Variants in GEMIN7 observed in about 807,000 individuals in gnomAD.
GEMIN7 encodes the protein gem-associated protein 7.
A neutral mutation model predicts 7.8 loss-of-function variants in GEMIN7; 7 were observed. The observed-to-expected ratio is 0.90, with a 90% confidence interval of 0.51 to 1.69. The LOEUF (loss-of-function observed/expected upper bound fraction) is 1.69, where lower values mean the gene tolerates loss of function less well. GEMIN7 is among the 40% of genes most tolerant of loss of function. GEMIN7 has a pLI of 0.00. For synonymous variants in GEMIN7, 68 were observed against 72.4 expected, an observed-to-expected ratio of 0.94 and a Z score of 0.31; for missense variants, 159 against 176.2, an observed-to-expected ratio of 0.90 and a Z score of 0.55.
intron 2 of GEMIN7, among the ~76,000 whole-genome samples, chr19:45,081,857 A>T (rs1275481747): frequency 1.3e-5 from 2 of 152,042 alleles, no homozygotes; most frequent in African/African-American, 4.8e-5. Flanking sequence ...TCCTGACCTC[A>T]GGCGATCTAC....
upstream of GEMIN7, chr19:45,076,098 CGTCCACAGG>C: frequency 6.3e-7 from 1 of 1,581,510 alleles, no homozygotes; most frequent in Non-Finnish European, 8.6e-7. This position sits in a 1 kb window ranked among gnomAD's most constrained non-coding sequence, Gnocchi z 4.9. Flanking sequence ...GGGTCAACGG[CGTCCACAGG>C]GTCCACGGGT....
intron 2 of GEMIN7, among the ~76,000 whole-genome samples, chr19:45,087,942 A>ATT (rs535770065): frequency 5.6e-4 from 65 of 116,438 alleles, no homozygotes; most frequent in Non-Finnish European, 6.5e-4. Context: ...TAGATATATA[A>ATT]TTTTTTTTTT....
chr19:45,084,919 C>T (rs1425517215), intron 2 of GEMIN7, among the ~76,000 whole-genome samples: 4 of 152,242 alleles, frequency 2.6e-5, no homozygotes, highest in African/African-American at 9.6e-5. Context: ...CCACTAATTA[C>T]AGAAATGCAC....
chr19:45,081,916 C>T (rs6509180), intron 2 of GEMIN7, among the ~76,000 whole-genome samples: 84,412 of 151,506 alleles, frequency 0.56, 24,276 homozygotes, highest in African/African-American at 0.67. Flanking sequence ...ACCTACTGCG[C>T]CCAGCCTCGA....
At chr19:45,076,185 G>T, upstream of GEMIN7, 1 of 1,504,352 alleles carries the variant, frequency 6.6e-7, no homozygotes. This position sits in a 1 kb window ranked among gnomAD's most constrained non-coding sequence, Gnocchi z 4.9. Flanking sequence ...GGGGTTCGCC[G>T]CCGAACCGCC....
At chr19:45,088,114 T>A (rs1346931715) in intron 2 of GEMIN7, among the ~76,000 whole-genome samples, 1 of 151,588 alleles carries the variant, frequency 6.6e-6, no homozygotes, top group African/African-American at 2.4e-5. Flanking sequence ...CTTGGCTAAT[T>A]TTTGTATTTT....
At chr19:45,087,784 G>T (rs766077478) in intron 2 of GEMIN7, among the ~76,000 whole-genome samples, 1 of 152,042 alleles carries the variant, frequency 6.6e-6, no homozygotes, top group Non-Finnish European at 1.5e-5. Context: ...CAGACGGCGG[G>T]GGGTGAAGGT....
At chr19:45,087,784 G>C (rs766077478) in intron 2 of GEMIN7, among the ~76,000 whole-genome samples, 7 of 152,042 alleles carry the variant, frequency 4.6e-5, no homozygotes, top group Admixed American at 6.6e-5. Context: ...CAGACGGCGG[G>C]GGGTGAAGGT....
intron 2 of GEMIN7, among the ~76,000 whole-genome samples, chr19:45,083,485 C>A (rs566198130): frequency 6.6e-6 from 1 of 151,836 alleles, no homozygotes; most frequent in Non-Finnish European, 1.5e-5. Context: ...TTTGGGCCAC[C>A]TATGGGCATG....
chr19:45,075,987 G>T (rs1967339588), upstream of GEMIN7: 10 of 1,571,360 alleles, frequency 6.4e-6, no homozygotes, highest in Non-Finnish European at 7.8e-6. Flanking sequence ...AAGGAGATAA[G>T]GCAGGGCGAG....
intron 2 of GEMIN7, among the ~76,000 whole-genome samples, chr19:45,085,103 A>G (rs1363071996): frequency 6.6e-6 from 1 of 152,028 alleles, no homozygotes; most frequent in Non-Finnish European, 1.5e-5. Flanking sequence ...ATTTCTTAGT[A>G]CAGACAGGGT....
rs1190406251 is a variant in GEMIN7, at chr19:45,090,819, T to C, written c.*309T>C. On this transcript the variant is annotated 3_prime_UTR_variant, in exon 3 of 3. Transcript: ENST00000270257. Reference sequence around the variant, plus strand: ...GGGTGGGGTGATAAAGGATACAACCTGCACAGGGGGAAGTTATTAAAGAGG... The same window carrying C: ...GGGTGGGGTGATAAAGGATACAACCCGCACAGGGGGAAGTTATTAAAGAGG... The C allele has an allele frequency of 9.8e-6, 3 of 305,230 alleles. No homozygotes were observed. The highest frequency in any genetic ancestry group is 1.3e-4 in the East Asian group (2 of 15,520). 18.9% of individuals were successfully genotyped at this position (305,230 alleles called of 1,614,324 possible). A position where few individuals can be genotyped will look rare whatever the true frequency, so the allele number is the denominator to read the frequency against.
intron 2 of GEMIN7, among the ~76,000 whole-genome samples, chr19:45,088,040 A>C (rs892290748): frequency 3.3e-5 from 5 of 150,152 alleles, no homozygotes; most frequent in African/African-American, 1.2e-4. Flanking sequence ...CTGCTTCCCA[A>C]GTTCAAGTGA....
chr19:45,076,522 T>G, upstream of GEMIN7: 4 of 507,600 alleles, frequency 7.9e-6, no homozygotes, highest in Non-Finnish European at 1.2e-5. The surrounding 1 kb of genome is among the most constrained non-coding windows in gnomAD (Gnocchi z 4.9). Flanking sequence ...GCCGGGCCCG[T>G]GGCTCCGCCT....
chr19:45,082,475 C>T (rs1262913092), intron 2 of GEMIN7, among the ~76,000 whole-genome samples: 1 of 152,236 alleles, frequency 6.6e-6, no homozygotes, highest in Non-Finnish European at 1.5e-5. Context: ...AAGGACAGGT[C>T]TGTGTCCCCT....
At chr19:45,077,259 T>A (rs1967373843), upstream of GEMIN7, among the ~76,000 whole-genome samples, 1 of 152,132 alleles carries the variant, frequency 6.6e-6, no homozygotes, top group Non-Finnish European at 1.5e-5. Flanking sequence ...GACCGGAGCC[T>A]TAGGAGGGTT....
At chr19:45,089,098 C>T (rs1274182990) in intron 2 of GEMIN7, among the ~76,000 whole-genome samples, 1 of 152,046 alleles carries the variant, frequency 6.6e-6, no homozygotes, top group Non-Finnish European at 1.5e-5. Flanking sequence ...CATGACACCA[C>T]ACCCGGCTAA....
chr19:45,076,505 C>G (rs1333848988), upstream of GEMIN7: 1 of 640,940 alleles, frequency 1.6e-6, no homozygotes, highest in Admixed American at 4.6e-5. This position sits in a 1 kb window ranked among gnomAD's most constrained non-coding sequence, Gnocchi z 4.9. Context: ...AACTCTTACA[C>G]GTGCTGGCCG....
In GEMIN7 at chr19:45,081,194, C is replaced by T. The variant is rs191118223; in HGVS notation, c.-9+1165C>T. On this transcript the variant is annotated intron_variant, in intron 2 of 2. Transcript: ENST00000270257. ...AAATTAGAAAATGCAAGGCCGGGCA[C>T]GGTGGCTCATGCCTGTAATCCCAGC... 4.6e-5 allele frequency among the ~76,000 whole-genome samples: 7 copies of T among 152,222 alleles called. No homozygotes were observed. The East Asian group carries it at 5.8e-4, about 13-fold the overall frequency.
Sources: allele counts gnomAD v4.1 joint callset (sites outside exome capture counted in the v4.1 genomes callset), GRCh38; gene constraint gnomAD v4.1.1; non-coding constraint Gnocchi (gnomAD v3.1); transcripts MANE v1.5; gene names NCBI Gene and HGNC (gene_info 2026-07-23, HGNC 2026-07-21).